STRADA: variants seen among roughly 807,000 people sequenced by gnomAD.
STRADA encodes STE20-related kinase adapter protein alpha.
A neutral mutation model predicts 55.0 loss-of-function variants in STRADA; 26 were observed. That is an observed-to-expected ratio of 0.47 (90% CI 0.35 to 0.66). The LOEUF (loss-of-function observed/expected upper bound fraction) is 0.66, where lower values mean the gene tolerates loss of function less well. Ranked by LOEUF, STRADA falls within the 30% of genes least tolerant of loss-of-function variation. The pLI, the probability that STRADA is intolerant of heterozygous loss-of-function variation, is 0.01. For missense variants in STRADA, 443 were observed against 549.7 expected (o/e 0.81, Z 1.94); for synonymous variants, 197 against 210.9 (o/e 0.93, Z 0.57).
chr17:63,704,357 G>A lies in STRADA; in HGVS notation c.1084C>T (p.Arg362Cys), dbSNP rs764311000. The A allele has an allele frequency of 1.1e-5, 17 of 1,612,560 alleles. No individual in the cohort carries two copies. The highest frequency in any genetic ancestry group is 1.1e-5 in the Non-Finnish European group (13 of 1,179,604). ...FHHFVEQCLQ[R>C]NPDARPSAST... ...CAGGGATACCTGGCATCCGGGTTGC[G>A]CTGAAGGCACTGCTCCACAAAGTGG... Residue 362 changes from arginine to cysteine, a missense_variant, in exon 11 of 13, where the codon CGC (arginine) becomes TGC (cysteine). By Grantham distance (180) the Arg-to-Cys change is radical. Coordinates refer to ENST00000336174, the MANE Select transcript of STRADA (RefSeq NM_001003787.4).
At position 63,740,107 on chromosome 17, in the gene STRADA, T is replaced by TATATATATATATATATACACAC. The variant is rs1309095081; in HGVS notation, c.-45+1633_-45+1634insGTGTGTATATATATATATATAT. Among the ~76,000 whole-genome samples, 24 of 49,648 alleles carry TATATATATATATATATACACAC rather than the reference T, an allele frequency of 4.8e-4. 2 individuals carry two copies. The highest frequency in any genetic ancestry group is 6.7e-4 in the Non-Finnish European group (18 of 27,026). 32.6% of individuals were successfully genotyped at this position (49,648 alleles called of 152,430 possible). On this transcript the variant is annotated intron_variant, in intron 1 of 12. Coordinates refer to ENST00000336174, the MANE Select transcript of STRADA (RefSeq NM_001003787.4). Reference sequence around the variant, plus strand: ...AACACTATATATATATATATATATATACATACATACATATATATATACACA... The same window carrying TATATATATATATATATACACAC: ...AACACTATATATATATATATATATATATATATATATATATATACACACACATACATACATATATATATACACA...
chr17:63,714,873 G>T (rs181301780), intron 4 of STRADA, among the ~76,000 whole-genome samples: 34 of 152,356 alleles, frequency 2.2e-4, no homozygotes, highest in East Asian at 3.9e-4. Context: ...CAGACCAACA[G>T]CTCTTCTTTC....
chr17:63,705,083 C>A (rs1323207492), intron 10 of STRADA: 10 of 661,576 alleles, frequency 1.5e-5, no homozygotes, highest in Non-Finnish European at 2.7e-5. Flanking sequence ...GGTGGCTGTT[C>A]CAAAGTACCC....
intron 8 of STRADA, among the ~76,000 whole-genome samples, chr17:63,708,470 C>T (rs189382753): frequency 6.6e-6 from 1 of 152,202 alleles, no homozygotes; most frequent in East Asian, 1.9e-4. Flanking sequence ...AGTGCTGCCA[C>T]TGCATCCAGC....
At chr17:63,739,781 TACATATA>T (rs1417316273) in intron 1 of STRADA, among the ~76,000 whole-genome samples, 2 of 77,898 alleles carry the variant, frequency 2.6e-5, no homozygotes, top group Non-Finnish European at 4.7e-5. Flanking sequence ...TGTACATATA[TACATATA>T]ATGTACATAA....
At chr17:63,712,830 G>A (rs1057359223) in intron 6 of STRADA, among the ~76,000 whole-genome samples, 4 of 151,584 alleles carry the variant, frequency 2.6e-5, no homozygotes, top group Non-Finnish European at 4.4e-5. Context: ...AAGAAACCCC[G>A]TCTTTTCTAA....
chr17:63,732,865 A>G (rs2038167314), intron 1 of STRADA, among the ~76,000 whole-genome samples: 3 of 152,114 alleles, frequency 2.0e-5, no homozygotes, highest in Non-Finnish European at 4.4e-5. Context: ...TAACAGTATG[A>G]GCCACCACAC....
At position 63,734,533 on chromosome 17, in the gene STRADA, A is replaced by C. The variant is rs150190429; in HGVS notation, c.-44-6120T>G. Among the ~76,000 whole-genome samples, 816 of 152,294 alleles carry C rather than the reference A, an allele frequency of 5.4e-3. 6 individuals are homozygous for C. Among genetic ancestry groups the C allele is most frequent in the African/African-American group, 0.018 (745 of 41,560 alleles). ...GTGGCACTGGCCTGTAATTGCAGCTACTTGGGAGGCTGAGAATCGCTTGAA... is the reference window on the plus strand; with the variant it reads ...GTGGCACTGGCCTGTAATTGCAGCTCCTTGGGAGGCTGAGAATCGCTTGAA... On this transcript the variant is annotated intron_variant, in intron 1 of 12. Coordinates refer to ENST00000336174, the MANE Select transcript of STRADA (RefSeq NM_001003787.4).
In STRADA at chr17:63,706,751, A is replaced by G. The variant is rs780125382; in HGVS notation, c.754-12T>C. 5 of 1,605,554 alleles carry G rather than the reference A, an allele frequency of 3.1e-6. No homozygotes were observed. The highest frequency in any genetic ancestry group is 1.7e-5 in the Admixed American group (1 of 59,538). ...TAACCCTGGAGATTCTAAGCCAGAA[A>G]AAAAAGGCCACAGATTACCCCATTT... On this transcript the variant is annotated splice_polypyrimidine_tract_variant and intron_variant, in intron 9 of 12. Coordinates refer to ENST00000336174, the MANE Select transcript of STRADA (RefSeq NM_001003787.4).
chr17:63,731,650 T>C (rs2038064424), intron 1 of STRADA, among the ~76,000 whole-genome samples: 1 of 152,048 alleles, frequency 6.6e-6, no homozygotes, highest in Non-Finnish European at 1.5e-5. Context: ...AAAATATAGA[T>C]TTGAAAAAAC....
intron 4 of STRADA, among the ~76,000 whole-genome samples, chr17:63,721,901 AAG>A: frequency 1.3e-5 from 2 of 152,322 alleles, no homozygotes; most frequent in East Asian, 3.9e-4. Flanking sequence ...TCCGAACTCA[AAG>A]AGAGACCAAA....
chr17:63,722,523 T>C (rs1217241770), intron 4 of STRADA, among the ~76,000 whole-genome samples: 1 of 152,244 alleles, frequency 6.6e-6, no homozygotes, highest in African/African-American at 2.4e-5. Flanking sequence ...GTGCTCCTGA[T>C]TAGCAGATGA....
intron 4 of STRADA, chr17:63,718,768 T>C (rs1188828283): frequency 6.6e-6 from 1 of 152,258 alleles, no homozygotes; most frequent in African/African-American, 2.4e-5. Flanking sequence ...TTGACCCTGC[T>C]ATTTTTCTCA....
intron 3 of STRADA, 98 bp downstream of exon 3, chr17:63,726,540 G>T: frequency 8.8e-7 from 1 of 1,140,286 alleles, no homozygotes; most frequent in Non-Finnish European, 1.3e-6. Flanking sequence ...GGTTACACTT[G>T]CCCTTAGAAT....
Position 63,703,454 on chromosome 17 carries a change from CCAAT to C in STRADA, c.*141_*144del, listed in dbSNP as rs770632087. ...AAGTGTCTCTCCAGGATTTTCTTTCCCAATCAGTCAGCAGTCAACTTTCCTGGAA... is the reference window on the plus strand; with the variant it reads ...AAGTGTCTCTCCAGGATTTTCTTTCCCAGTCAGCAGTCAACTTTCCTGGAA... On this transcript the variant is annotated 3_prime_UTR_variant, in exon 13 of 13. Coordinates refer to ENST00000336174, the MANE Select transcript of STRADA (RefSeq NM_001003787.4). 2.6e-5 allele frequency: 20 copies of C among 767,752 alleles called. No individual in the cohort carries two copies. The African/African-American group carries it at 3.0e-4, about 11-fold the overall frequency. The allele number at this position is 767,752 out of a possible 1,614,324, so 47.6% of individuals were successfully genotyped here.
intron 1 of STRADA, among the ~76,000 whole-genome samples, chr17:63,729,841 C>CT (rs1253752753): frequency 0.021 from 2,939 of 142,864 alleles, 34 homozygotes; most frequent in African/African-American, 0.033. Flanking sequence ...TTTCCTTTTC[C>CT]TTTTTTTTTT....
chr17:63,720,892 T>C (rs1598213478), intron 4 of STRADA, among the ~76,000 whole-genome samples: 1 of 128,266 alleles, frequency 7.8e-6, no homozygotes, highest in African/African-American at 3.1e-5. Context: ...AGGTCAGGAG[T>C]TCGAGTCCAG....
chr17:63,740,258 C>G (rs1361622920), intron 1 of STRADA, among the ~76,000 whole-genome samples: 1 of 150,856 alleles, frequency 6.6e-6, no homozygotes, highest in Non-Finnish European at 1.5e-5. Flanking sequence ...CGCCTGTAAT[C>G]CCAGCACTTT....
intron 8 of STRADA, 123 bp downstream of exon 8, chr17:63,710,368 A>C (rs932500553): frequency 1.3e-6 from 2 of 1,487,800 alleles, no homozygotes; most frequent in Non-Finnish European, 1.8e-6. Flanking sequence ...GATCTTCAGC[A>C]AGAATCCAGA....
Sources: gnomAD v4.1 joint callset for allele counts (sites outside exome capture counted in the v4.1 genomes callset) on GRCh38, gnomAD v4.1.1 for gene constraint, MANE v1.5 for transcripts, NCBI Gene and HGNC (gene_info 2026-07-23, HGNC 2026-07-21) for gene names.